KIAA0825: variants seen among roughly 807,000 people sequenced by gnomAD.
KIAA0825 encodes the protein uncharacterized protein KIAA0825.
A neutral mutation model predicts 147.6 loss-of-function variants in KIAA0825; 119 were observed. The ratio of observed to expected loss-of-function variants is 0.81; its 90% CI spans 0.69 to 0.94. The LOEUF is 0.94. Among genes scored for constraint, KIAA0825 ranks in the 40% least tolerant of loss-of-function variants. KIAA0825 has a pLI of 0.00. For synonymous variants in KIAA0825, 470 were observed against 518.1 expected, an observed-to-expected ratio of 0.91 and a Z score of 1.26; for missense variants, 1,381 against 1,472.7, an observed-to-expected ratio of 0.94 and a Z score of 1.02.
chr5:94,276,633 T>C (rs1777234261), intron 20 of KIAA0825, among the ~76,000 whole-genome samples: 1 of 152,130 alleles, frequency 6.6e-6, no homozygotes. Flanking sequence ...TTGGGAAATG[T>C]CTGCATAGTG....
intron 20 of KIAA0825, among the ~76,000 whole-genome samples, chr5:94,249,484 G>A (rs919074157): frequency 2.6e-5 from 4 of 152,066 alleles, no homozygotes; most frequent in African/African-American, 7.2e-5. Context: ...GAATTTCATG[G>A]TAGTGACAGC....
chr5:94,394,692 C>T (rs1259523226), intron 17 of KIAA0825, among the ~76,000 whole-genome samples: 1 of 152,162 alleles, frequency 6.6e-6, no homozygotes, highest in African/African-American at 2.4e-5. Flanking sequence ...TATTTTTACT[C>T]TTGTTTTTCC....
At chr5:94,298,014 A>T (rs547468184) in intron 20 of KIAA0825, among the ~76,000 whole-genome samples, 1 of 149,342 alleles carries the variant, frequency 6.7e-6, no homozygotes, top group Admixed American at 6.6e-5. Flanking sequence ...TGGGAGGCCA[A>T]CGTGGACAGA....
At chr5:94,583,391 C>G (rs762048799) in intron 1 of KIAA0825, among the ~76,000 whole-genome samples, 4 of 152,206 alleles carry the variant, frequency 2.6e-5, no homozygotes, top group East Asian at 1.9e-4. Context: ...ACCCATGAAG[C>G]CTTGCTTGCT....
chr5:94,529,322 GT>G (rs1445424537), intron 3 of KIAA0825, among the ~76,000 whole-genome samples: 18 of 138,968 alleles, frequency 1.3e-4, no homozygotes, highest in Admixed American at 1.1e-3. Flanking sequence ...TCATATATAT[GT>G]ATATATCATA....
At chr5:94,366,008 C>G (rs1412251128) in intron 20 of KIAA0825, among the ~76,000 whole-genome samples, 2 of 152,106 alleles carry the variant, frequency 1.3e-5, no homozygotes, top group Non-Finnish European at 2.9e-5. Context: ...TTGTAGCCCC[C>G]ACCCAGGAAC....
intron 5 of KIAA0825, among the ~76,000 whole-genome samples, chr5:94,493,183 G>A (rs1562555140): frequency 6.6e-6 from 1 of 152,146 alleles, no homozygotes; most frequent in Non-Finnish European, 1.5e-5. Flanking sequence ...GTAGTTTCTA[G>A]AAGTTTCTAC....
At chr5:94,484,648 G>A (rs1313108541) in intron 6 of KIAA0825, 121 bp downstream of exon 6, 2 of 602,946 alleles carry the variant, frequency 3.3e-6, no homozygotes, top group Admixed American at 6.6e-5. Flanking sequence ...TATACCAAAT[G>A]CTTATTTAAA....
At chr5:94,430,285 C>T (rs1755494854) in intron 14 of KIAA0825, among the ~76,000 whole-genome samples, 1 of 152,092 alleles carries the variant, frequency 6.6e-6, no homozygotes, top group African/African-American at 2.4e-5. Context: ...TAAAACACTG[C>T]CTGGTACATA....
chr5:94,449,762 G>T (rs1584523246), intron 13 of KIAA0825, among the ~76,000 whole-genome samples: 1 of 152,102 alleles, frequency 6.6e-6, no homozygotes, highest in South Asian at 2.1e-4. Context: ...AAAGAAAATA[G>T]ATTTTCTTTT....
chr5:94,407,122 T>C (rs527332752), intron 15 of KIAA0825, among the ~76,000 whole-genome samples: 2 of 152,278 alleles, frequency 1.3e-5, no homozygotes, highest in African/African-American at 4.8e-5. Context: ...GGGAGGAATT[T>C]TGAATATCTC....
intron 20 of KIAA0825, among the ~76,000 whole-genome samples, chr5:94,278,408 T>C (rs949407063): frequency 1.3e-5 from 2 of 152,278 alleles, no homozygotes; most frequent in African/African-American, 4.8e-5. Context: ...GCTATAAGTA[T>C]TCCATATAGA....
At chr5:94,286,315 C>T (rs1188120203) in intron 20 of KIAA0825, among the ~76,000 whole-genome samples, 1 of 152,270 alleles carries the variant, frequency 6.6e-6, no homozygotes, top group Non-Finnish European at 1.5e-5. Flanking sequence ...CTCCAATAAG[C>T]CTTCACTGAT....
chr5:94,330,388 G>A (rs552518605), intron 20 of KIAA0825, among the ~76,000 whole-genome samples: 139 of 152,116 alleles, frequency 9.1e-4, no homozygotes, highest in African/African-American at 3.0e-3. Context: ...TGATCAAAAC[G>A]GAATTGAAGT....
In KIAA0825 at chr5:94,213,816, C is replaced by T. The variant is rs150621698; in HGVS notation, c.3711-59692G>A. Among the ~76,000 whole-genome samples the T allele has an allele frequency of 1.4e-3, 217 of 152,288 alleles. 1 individual carries two copies. The highest frequency in any genetic ancestry group is 4.9e-3 in the African/African-American group (202 of 41,558). ...TCCCACTGTGAAGTTTGCTGTTGCT[C>T]CTAATCTGCATGGAGTGCCCTTTCT... On this transcript the variant is annotated intron_variant, in intron 20 of 20. Coordinates refer to ENST00000682413, the MANE Select transcript of KIAA0825 (RefSeq NM_001145678.3).
At chr5:94,244,967 A>G (rs1454469754) in intron 20 of KIAA0825, among the ~76,000 whole-genome samples, 1 of 152,236 alleles carries the variant, frequency 6.6e-6, no homozygotes, top group East Asian at 1.9e-4. Flanking sequence ...TAGTATTTGT[A>G]AACACAACTA....
At chr5:94,319,536 C>T (rs1042546652) in intron 20 of KIAA0825, among the ~76,000 whole-genome samples, 3 of 151,912 alleles carry the variant, frequency 2.0e-5, no homozygotes, top group African/African-American at 7.2e-5. Flanking sequence ...TTGATTCTCT[C>T]CCAGGTTTCC....
At chr5:94,216,573 C>CCGTTCATACTAAAGGGCTTGGTCTAT (rs1425637387) in intron 20 of KIAA0825, among the ~76,000 whole-genome samples, 1 of 152,126 alleles carries the variant, frequency 6.6e-6, no homozygotes, top group Non-Finnish European at 1.5e-5. Context: ...CCCAGGGCTC[C>CCGTTCATACTAAAGGGCTTGGTCTAT]CGTTCATACT....
chr5:94,573,875 T>A (rs1363333011), intron 2 of KIAA0825, among the ~76,000 whole-genome samples: 1 of 152,018 alleles, frequency 6.6e-6, no homozygotes, highest in Non-Finnish European at 1.5e-5. Flanking sequence ...ATATATAGAG[T>A]TAAATAAAAC....
Sources: allele counts gnomAD v4.1 joint callset (sites outside exome capture counted in the v4.1 genomes callset), GRCh38; gene constraint gnomAD v4.1.1; transcripts MANE v1.5; gene names NCBI Gene and HGNC (gene_info 2026-07-23, HGNC 2026-07-21).